The following SUPT3H variants were observed in gnomAD, a reference collection of about 807,000 sequenced individuals.
The protein encoded by SUPT3H is transcription initiation protein SPT3 homolog.
A neutral mutation model predicts 44.3 loss-of-function variants in SUPT3H; 44 were observed. The observed-to-expected ratio is 0.99, with a 90% CI of 0.78 to 1.28. The LOEUF (loss-of-function observed/expected upper bound fraction) is 1.28. Among genes scored for constraint, SUPT3H ranks in the 50% most tolerant of loss-of-function variants. SUPT3H has a pLI of 0.00. For missense variants in SUPT3H, 380 were observed against 387.1 expected, an observed-to-expected ratio of 0.98 and a Z score of 0.15; for synonymous variants, 124 against 125.6, an observed-to-expected ratio of 0.99 and a Z score of 0.09.
chr6:45,126,490 C>T (rs1334664168), intron 2 of SUPT3H, among the ~76,000 whole-genome samples: 4 of 152,044 alleles, frequency 2.6e-5, no homozygotes, highest in African/African-American at 2.4e-5. Context: ...CAAATTAAAA[C>T]GGTCAATTTT....
intron 2 of SUPT3H, chr6:45,158,970 TTGAC>T: frequency 6.6e-6 from 1 of 152,300 alleles, no homozygotes; most frequent in East Asian, 1.9e-4. Flanking sequence ...ACATTTCAAT[TTGAC>T]TGAGTGTTCA....
chr6:45,206,986 TG>T (rs1562689885), intron 2 of SUPT3H, among the ~76,000 whole-genome samples: 1 of 152,054 alleles, frequency 6.6e-6, no homozygotes, highest in Non-Finnish European at 1.5e-5. Flanking sequence ...CAGAAACAGT[TG>T]GGTATATGGT....
chr6:45,215,529 A>G (rs900653518), intron 2 of SUPT3H, among the ~76,000 whole-genome samples: 48 of 152,192 alleles, frequency 3.2e-4, no homozygotes, highest in African/African-American at 1.1e-3. Flanking sequence ...AAAGAATTCA[A>G]TGAATGAAAT....
chr6:44,877,199 GATC>G (rs1309148475), intron 10 of SUPT3H, among the ~76,000 whole-genome samples: 2 of 152,150 alleles, frequency 1.3e-5, no homozygotes, highest in African/African-American at 4.8e-5. Flanking sequence ...GGGCACGGTG[GATC>G]ATGCCTGTAA....
At chr6:44,925,652 T>C (rs1314739963) in intron 10 of SUPT3H, among the ~76,000 whole-genome samples, 1 of 152,146 alleles carries the variant, frequency 6.6e-6, no homozygotes, top group East Asian at 1.9e-4. Context: ...TACCACCCAC[T>C]GCTTGTAAAT....
At chr6:44,912,200 A>G (rs1209415637) in intron 10 of SUPT3H, among the ~76,000 whole-genome samples, 3 of 152,186 alleles carry the variant, frequency 2.0e-5, no homozygotes, top group Non-Finnish European at 1.5e-5. Context: ...CTTTTTCATC[A>G]TCCCGAACAG....
chr6:45,153,445 C>T (rs1035400163), intron 2 of SUPT3H, among the ~76,000 whole-genome samples: 7 of 152,124 alleles, frequency 4.6e-5, no homozygotes, highest in Admixed American at 3.9e-4. Flanking sequence ...TGTGAAACAA[C>T]TCTCAATAAT....
At chr6:45,317,090 C>T (rs959678257) in intron 2 of SUPT3H, among the ~76,000 whole-genome samples, 1 of 151,258 alleles carries the variant, frequency 6.6e-6, no homozygotes, top group Non-Finnish European at 1.5e-5. Context: ...AGCCAGGCAT[C>T]GTGGCATGCA....
chr6:44,953,783 G>A (rs1283093188), intron 8 of SUPT3H, among the ~76,000 whole-genome samples: 1 of 152,142 alleles, frequency 6.6e-6, no homozygotes, highest in African/African-American at 2.4e-5. Flanking sequence ...CCAGGCTGGA[G>A]TGCAATGGTG....
At chr6:45,049,114 G>A (rs1253769279) in intron 3 of SUPT3H, among the ~76,000 whole-genome samples, 1 of 152,080 alleles carries the variant, frequency 6.6e-6, no homozygotes, top group Non-Finnish European at 1.5e-5. Context: ...ATGTACACGT[G>A]TTTCCAAACA....
At chr6:45,152,619 G>A (rs995211497) in intron 2 of SUPT3H, among the ~76,000 whole-genome samples, 2 of 152,058 alleles carry the variant, frequency 1.3e-5, no homozygotes, top group Non-Finnish European at 2.9e-5. Context: ...AGCCTCCCGA[G>A]TAACTAGACT....
chr6:45,209,904 A>C (rs1365961656), intron 2 of SUPT3H, among the ~76,000 whole-genome samples: 1 of 152,182 alleles, frequency 6.6e-6, no homozygotes, highest in African/African-American at 2.4e-5. Flanking sequence ...AGCTGTCAAC[A>C]TCAAGGCAAG....
At chr6:44,971,470 A>T (rs1777557865) in intron 6 of SUPT3H, among the ~76,000 whole-genome samples, 1 of 152,148 alleles carries the variant, frequency 6.6e-6, no homozygotes, top group Non-Finnish European at 1.5e-5. Flanking sequence ...TCTTCACGTG[A>T]TGGCAGGAAG....
rs561981125 is a variant in SUPT3H, at chr6:45,074,400, A to G, written c.186+31522T>C. ...TATTAATAACCCAATAAAAAGGAAC[A>G]AAAAGTTTGAATAGACACACCACAA... On this transcript the variant is annotated intron_variant, in intron 3 of 10. Transcript: ENST00000371459. Among the ~76,000 whole-genome samples the G allele has an allele frequency of 1.5e-3, 226 of 152,140 alleles. 2 individuals are homozygous for G. Among genetic ancestry groups the G allele is most frequent in the Admixed American group, 2.4e-3 (36 of 15,272 alleles).
At chr6:44,981,467 T>C (rs1779084098) in intron 6 of SUPT3H, among the ~76,000 whole-genome samples, 1 of 152,230 alleles carries the variant, frequency 6.6e-6, no homozygotes, top group African/African-American at 2.4e-5. Flanking sequence ...ATACATTCTG[T>C]ATATCAACAG....
chr6:45,308,290 T>G (rs1397359820), intron 2 of SUPT3H, among the ~76,000 whole-genome samples: 1 of 151,860 alleles, frequency 6.6e-6, no homozygotes, highest in African/African-American at 2.4e-5. Flanking sequence ...CCAAGACACA[T>G]AATTGTCAGA....
chr6:45,093,171 C>T (rs1276421152), intron 3 of SUPT3H, among the ~76,000 whole-genome samples: 1 of 151,918 alleles, frequency 6.6e-6, no homozygotes, highest in Non-Finnish European at 1.5e-5. Context: ...GTATGTTCTT[C>T]AAATGTAGAA....
chr6:44,994,204 T>C (rs998699324), intron 6 of SUPT3H, among the ~76,000 whole-genome samples: 3 of 152,134 alleles, frequency 2.0e-5, no homozygotes, highest in African/African-American at 7.2e-5. Context: ...TTATCTTTTT[T>C]TAATAGTCAC....
intron 2 of SUPT3H, among the ~76,000 whole-genome samples, chr6:45,222,543 A>C (rs931378123): frequency 3.9e-5 from 6 of 152,168 alleles, no homozygotes; most frequent in Admixed American, 6.5e-5. Context: ...TGACAACAAC[A>C]AAGACTGATA....
Sources: allele counts gnomAD v4.1 joint callset (sites outside exome capture counted in the v4.1 genomes callset), GRCh38; gene constraint gnomAD v4.1.1; transcripts MANE v1.5; gene names NCBI Gene and HGNC (gene_info 2026-07-23, HGNC 2026-07-21).